DSCAML1: variants seen among roughly 807,000 people sequenced by gnomAD.
DSCAML1 encodes the protein DS cell adhesion molecule like 1.
DSCAML1 carries 38 observed loss-of-function variants against 200.5 expected under a neutral mutation model. That is an observed-to-expected ratio of 0.19 (90% confidence interval 0.15 to 0.25). DSCAML1 has a LOEUF of 0.25. Ranked by LOEUF, DSCAML1 falls within the 10% of genes least tolerant of loss-of-function variation. The pLI is 1.00. For missense variants in DSCAML1, 2,223 were observed against 2,858.8 expected (o/e 0.78, Z 5.07); for synonymous variants, 1,215 against 1,165.0 (o/e 1.04, Z -0.87).
intron 15 of DSCAML1, among the ~76,000 whole-genome samples, chr11:117,470,658 G>A (rs536244468): frequency 9.8e-5 from 15 of 152,292 alleles, no homozygotes; most frequent in Admixed American, 2.0e-4. Flanking sequence ...AGAAACTCAT[G>A]AACCGGTACA....
intron 3 of DSCAML1, among the ~76,000 whole-genome samples, chr11:117,636,853 T>C (rs1002466252): frequency 6.6e-6 from 1 of 152,250 alleles, no homozygotes; most frequent in African/African-American, 2.4e-5. Flanking sequence ...GTACAGTGCC[T>C]AAGTAGTAGT....
rs755943210 is a variant in DSCAML1 at position 117,748,161 on chromosome 11, G to A, written c.511+28630C>T. ...TGATACCAAAATTGTAGACTATTGT[G>A]AGAAAGTGAAGACAGAGCAAGAACA... is the stretch of plus-strand genomic sequence containing the variant. On this transcript the variant is annotated intron_variant, in intron 3 of 32. Transcript: ENST00000651296. 5.9e-5 allele frequency among the ~76,000 whole-genome samples: 9 copies of A among 152,304 alleles called. No individual in the cohort carries two copies. The South Asian group carries it at 6.2e-4, about 11-fold the overall frequency.
intron 3 of DSCAML1, among the ~76,000 whole-genome samples, chr11:117,558,820 A>G (rs563859232): frequency 1.3e-5 from 2 of 152,340 alleles, no homozygotes; most frequent in South Asian, 2.1e-4. Context: ...TGGGGGCTAC[A>G]TACATCAGCT....
At chr11:117,470,571 C>G (rs1295668397) in intron 15 of DSCAML1, among the ~76,000 whole-genome samples, 1 of 152,192 alleles carries the variant, frequency 6.6e-6, no homozygotes, top group Non-Finnish European at 1.5e-5. Flanking sequence ...AGAAAACATT[C>G]TAGCATTTTT....
At chr11:117,579,614 G>T (rs1227467649) in intron 3 of DSCAML1, among the ~76,000 whole-genome samples, 2 of 152,130 alleles carry the variant, frequency 1.3e-5, no homozygotes, top group Admixed American at 6.5e-5. Context: ...TTCATTCTCT[G>T]CACAGTATGT....
chr11:117,454,678 G>A (rs1264603694), intron 19 of DSCAML1, among the ~76,000 whole-genome samples: 2 of 152,182 alleles, frequency 1.3e-5, no homozygotes, highest in Non-Finnish European at 1.5e-5. Flanking sequence ...GCCAGACACG[G>A]CATTTGCAAA....
chr11:117,807,162 C>G (rs1387029289), intron 1 of DSCAML1, among the ~76,000 whole-genome samples: 1 of 152,234 alleles, frequency 6.6e-6, no homozygotes. Context: ...TAGCCTGTCC[C>G]CAGCTCCTCA....
chr11:117,649,041 A>ATGTGTGTGTGTGTG lies in DSCAML1; in HGVS notation c.512-116533_512-116520dup, dbSNP rs58257943. ...TCTCGCTCTCTCTCTCTCCATATATATGTGTGTGTGTGTGTGTGTGTGTGT... is the reference window on the plus strand; with the variant it reads ...TCTCGCTCTCTCTCTCTCCATATATATGTGTGTGTGTGTGTGTGTGTGTGTGTGTGTGTGTGTGT... On this transcript the variant is annotated intron_variant, in intron 3 of 32. Transcript: ENST00000651296. 3.6e-5 allele frequency among the ~76,000 whole-genome samples: 5 copies of ATGTGTGTGTGTGTG among 137,932 alleles called. No individual in the cohort carries two copies. The South Asian group carries it at 7.0e-4, about 19-fold the overall frequency. 90.5% of individuals were successfully genotyped at this position (137,932 alleles called of 152,430 possible). A position where few individuals can be genotyped will look rare whatever the true frequency, so the allele number is the denominator to read the frequency against.
chr11:117,724,590 C>T (rs182732462), intron 3 of DSCAML1, among the ~76,000 whole-genome samples: 6 of 152,318 alleles, frequency 3.9e-5, no homozygotes, highest in Admixed American at 3.3e-4. Context: ...AGCCTTGAAG[C>T]GGGAACAACA....
At chr11:117,467,423 A>G (rs554983244) in intron 16 of DSCAML1, among the ~76,000 whole-genome samples, 63 of 152,372 alleles carry the variant, frequency 4.1e-4, no homozygotes, top group Admixed American at 1.2e-3. Flanking sequence ...GGTTTTAAAG[A>G]CAATGAAGTT....
At chr11:117,476,086 C>T (rs979298673) in intron 14 of DSCAML1, among the ~76,000 whole-genome samples, 1 of 152,162 alleles carries the variant, frequency 6.6e-6, no homozygotes, top group African/African-American at 2.4e-5. Flanking sequence ...TCATATGAGC[C>T]TGGCTTACCC....
intron 16 of DSCAML1, among the ~76,000 whole-genome samples, chr11:117,467,938 T>C (rs2048616225): frequency 6.6e-6 from 1 of 152,144 alleles, no homozygotes; most frequent in Non-Finnish European, 1.5e-5. Flanking sequence ...GAGCTATGTA[T>C]ACCATGATAT....
In DSCAML1 at chr11:117,594,926, G is replaced by GCCC. The variant is rs2051332054; in HGVS notation, c.512-62405_512-62404insGGG. Among the ~76,000 whole-genome samples the GCCC allele has an allele frequency of 1.1e-4, 16 of 152,218 alleles. No homozygotes were observed. The South Asian group carries it at 2.9e-3, about 28-fold the overall frequency. On this transcript the variant is annotated intron_variant, in intron 3 of 32. Coordinates refer to ENST00000651296, the MANE Select transcript of DSCAML1 (RefSeq NM_020693.4). The stretch of plus-strand genomic sequence containing the variant: ...TGTGGTGGGATTTTCATTCCTCATT[G>GCCC]TTACCTCTGTCAAGAAGGGACTCCT...
intron 3 of DSCAML1, among the ~76,000 whole-genome samples, chr11:117,686,558 T>A (rs2053403395): frequency 6.6e-6 from 1 of 152,258 alleles, no homozygotes; most frequent in South Asian, 2.1e-4. Context: ...CCCCGGCACC[T>A]GGAGCCTCCT....
chr11:117,731,855 C>G (rs2054226246), intron 3 of DSCAML1, among the ~76,000 whole-genome samples: 1 of 152,194 alleles, frequency 6.6e-6, no homozygotes, highest in Non-Finnish European at 1.5e-5. Context: ...TTTTTCCAGG[C>G]TGAACCTGGG....
chr11:117,712,075 A>G (rs969563335), intron 3 of DSCAML1, among the ~76,000 whole-genome samples: 1 of 152,252 alleles, frequency 6.6e-6, no homozygotes, highest in Non-Finnish European at 1.5e-5. Flanking sequence ...ATTATGAGCT[A>G]TATAATGCCG....
chr11:117,748,737 C>T (rs116941016), intron 3 of DSCAML1, among the ~76,000 whole-genome samples: 96 of 152,296 alleles, frequency 6.3e-4, no homozygotes, highest in Non-Finnish European at 1.2e-3. Flanking sequence ...TACTGCATGC[C>T]CTACTGACCC....
intron 3 of DSCAML1, among the ~76,000 whole-genome samples, chr11:117,703,202 T>A (rs1410102260): frequency 6.6e-6 from 1 of 152,148 alleles, no homozygotes; most frequent in Non-Finnish European, 1.5e-5. Context: ...TTTGAAGGAA[T>A]ATTGCTCGGA....
intron 3 of DSCAML1, among the ~76,000 whole-genome samples, chr11:117,672,840 T>C (rs1324697861): frequency 6.6e-6 from 1 of 152,216 alleles, no homozygotes; most frequent in African/African-American, 2.4e-5. Flanking sequence ...TGAGTGCCTT[T>C]TATGCCAAGT....
Sources: gnomAD v4.1 joint callset for allele counts (sites outside exome capture counted in the v4.1 genomes callset) on GRCh38, gnomAD v4.1.1 for gene constraint, MANE v1.5 for transcripts, NCBI Gene and HGNC (gene_info 2026-07-23, HGNC 2026-07-21) for gene names.